Variants in AGMO observed in about 807,000 individuals in gnomAD.
AGMO encodes the protein glyceryl-ether monooxygenase.
AGMO carries 75 observed loss-of-function variants against 60.2 expected under a neutral mutation model. The observed-to-expected ratio is 1.25, with a 90% CI of 1.03 to 1.51. The LOEUF is 1.51. AGMO is among the 40% of genes most tolerant of loss of function. The pLI is 0.00. For missense variants in AGMO, 763 were observed against 525.5 expected, an observed-to-expected ratio of 1.45 and a Z score of -4.42; for synonymous variants, 261 against 177.1, an observed-to-expected ratio of 1.47 and a Z score of -3.76.
At chr7:15,249,894 G>A (rs890084808) in intron 12 of AGMO, among the ~76,000 whole-genome samples, 5 of 152,054 alleles carry the variant, frequency 3.3e-5, no homozygotes, top group Non-Finnish European at 4.4e-5. Flanking sequence ...AGAACTTTAG[G>A]TTTATACCAT....
At chr7:15,450,611 A>G (rs770243977) in intron 3 of AGMO, among the ~76,000 whole-genome samples, 7 of 152,174 alleles carry the variant, frequency 4.6e-5, no homozygotes, top group Non-Finnish European at 1.0e-4. Context: ...AAATAATATT[A>G]TGAATTTTGG....
chr7:15,285,409 T>C (rs1398784318), intron 12 of AGMO, among the ~76,000 whole-genome samples: 2 of 152,090 alleles, frequency 1.3e-5, no homozygotes, highest in Non-Finnish European at 2.9e-5. Flanking sequence ...CACAAATCAG[T>C]AGCACTTCTA....
At chr7:15,487,830 T>C (rs949935273) in intron 3 of AGMO, among the ~76,000 whole-genome samples, 10 of 152,316 alleles carry the variant, frequency 6.6e-5, no homozygotes, top group African/African-American at 2.4e-4. Flanking sequence ...AAACATTTTA[T>C]AAGTTTTTGG....
At chr7:15,225,090 TTTTAA>T (rs1176285630) in intron 12 of AGMO, among the ~76,000 whole-genome samples, 4 of 152,002 alleles carry the variant, frequency 2.6e-5, no homozygotes, top group Non-Finnish European at 2.9e-5. Context: ...TTCACTTTCT[TTTTAA>T]AATTTAGTTC....
At chr7:15,194,006 A>G in the AGMO span, among the ~76,000 whole-genome samples, 1 of 152,294 alleles carries the variant, frequency 6.6e-6, no homozygotes. Context: ...TAATTTCAAG[A>G]AATTTTTCTG....
the AGMO span, among the ~76,000 whole-genome samples, chr7:15,117,822 G>T: frequency 1.3e-5 from 2 of 151,914 alleles, no homozygotes; most frequent in African/African-American, 2.4e-5. Context: ...ACATTTAAGG[G>T]TACAGGAGAG....
intron 3 of AGMO, among the ~76,000 whole-genome samples, chr7:15,485,468 T>C (rs1470830897): frequency 3.3e-5 from 5 of 152,182 alleles, no homozygotes; most frequent in Non-Finnish European, 7.3e-5. Flanking sequence ...TGTAGTCATG[T>C]CATAAGCTTT....
chr7:15,531,339 T>C (rs1375771488), intron 3 of AGMO, among the ~76,000 whole-genome samples: 1,052 of 86,280 alleles, frequency 0.012, 58 homozygotes, highest in African/African-American at 0.06. Context: ...ATATATTCTA[T>C]ATATATTCTA....
chr7:15,392,560 G>A (rs918370331), intron 6 of AGMO, among the ~76,000 whole-genome samples: 1 of 152,024 alleles, frequency 6.6e-6, no homozygotes, highest in Non-Finnish European at 1.5e-5. Context: ...CAGCACTTTG[G>A]GAGGCCAAGG....
chr7:15,212,726 G>A (rs2040102945), intron 12 of AGMO, among the ~76,000 whole-genome samples: 1 of 151,864 alleles, frequency 6.6e-6, no homozygotes, highest in African/African-American at 2.4e-5. Context: ...ATGATTCAGT[G>A]CTTTGAGTAG....
At chr7:15,411,718 A>C (rs150116980) in intron 5 of AGMO, among the ~76,000 whole-genome samples, 40 of 152,182 alleles carry the variant, frequency 2.6e-4, no homozygotes, top group African/African-American at 9.4e-4. Context: ...CAAATGGTGA[A>C]ATAACAGCTA....
Position 15,452,409 on chromosome 7 carries a change from T to G in AGMO, c.410-21301A>C, listed in dbSNP as rs572267125. ...AAAATAGAAAAACACACAGTCTTAT[T>G]TTTAAATGGGCAATGTATTTCAATA... On this transcript the variant is annotated intron_variant, in intron 3 of 12. Coordinates refer to ENST00000342526, the MANE Select transcript of AGMO (RefSeq NM_001004320.2). Among the ~76,000 whole-genome samples the G allele has an allele frequency of 1.1e-4, 17 of 152,272 alleles. No individual in the cohort carries two copies. In the South Asian group the frequency reaches 3.3e-3, roughly 30 times the overall value.
chr7:15,352,663 C>G (rs1047664932), intron 12 of AGMO, among the ~76,000 whole-genome samples: 1 of 151,778 alleles, frequency 6.6e-6, no homozygotes, highest in Non-Finnish European at 1.5e-5. Context: ...AGCTTACAGG[C>G]AACAGCAAGC....
chr7:15,422,305 A>G (rs1780947605), intron 4 of AGMO, among the ~76,000 whole-genome samples: 1 of 152,016 alleles, frequency 6.6e-6, no homozygotes, highest in Non-Finnish European at 1.5e-5. Context: ...AGATCTTACT[A>G]TATTTATGGC....
chr7:15,219,295 C>A (rs1390227009), intron 12 of AGMO, among the ~76,000 whole-genome samples: 1 of 152,104 alleles, frequency 6.6e-6, no homozygotes, highest in African/African-American at 2.4e-5. Flanking sequence ...ATAATCTAGA[C>A]AATCAAGGAA....
intron 12 of AGMO, among the ~76,000 whole-genome samples, chr7:15,312,794 G>C (rs2128532890): frequency 6.6e-6 from 1 of 151,476 alleles, no homozygotes; most frequent in South Asian, 2.1e-4. Flanking sequence ...AGAGCCTCCT[G>C]AGTAGCTGGG....
the AGMO span, among the ~76,000 whole-genome samples, chr7:15,130,533 G>C: frequency 2.0e-5 from 3 of 151,982 alleles, no homozygotes; most frequent in Admixed American, 1.3e-4. Flanking sequence ...TTCACAAAAA[G>C]GTTCTCTAAT....
chr7:15,495,385 T>G (rs556957033), intron 3 of AGMO, among the ~76,000 whole-genome samples: 3 of 152,184 alleles, frequency 2.0e-5, no homozygotes, highest in African/African-American at 7.2e-5. Context: ...ATTCAGTCCA[T>G]GTGTTTCTGA....
chr7:15,150,085 T>C, the AGMO span, among the ~76,000 whole-genome samples: 3 of 152,102 alleles, frequency 2.0e-5, no homozygotes, highest in South Asian at 6.2e-4. Context: ...GCATTCTTGA[T>C]TTGGCCCTCA....
Sources: allele counts gnomAD v4.1 joint callset (sites outside exome capture counted in the v4.1 genomes callset), GRCh38; gene constraint gnomAD v4.1.1; transcripts MANE v1.5; gene names NCBI Gene and HGNC (gene_info 2026-07-23, HGNC 2026-07-21).